Variants in TM7SF3 observed in about 807,000 individuals in gnomAD.
The protein encoded by TM7SF3 is transmembrane 7 superfamily member 3, also known as seven span transmembrane protein.
Under a neutral mutation model 65.5 loss-of-function variants are expected in TM7SF3, and 60 were observed. That is an observed-to-expected ratio of 0.92 (90% CI 0.74 to 1.14). TM7SF3 has a LOEUF of 1.14. TM7SF3 is among the 50% of genes most tolerant of loss of function. The pLI is 0.00. For synonymous variants in TM7SF3, 264 were observed against 259.6 expected, an observed-to-expected ratio of 1.02 and a Z score of -0.16; for missense variants, 623 against 684.8, an observed-to-expected ratio of 0.91 and a Z score of 1.01.
Position 26,972,291 on chromosome 12 carries a change from T to C in TM7SF3, c.*1674A>G, listed in dbSNP as rs1220921412. ...TTCTCATCACTTTAAGGATGAAGCC[T>C]TTCTGTACAAAGGCTTTGTACAGAA... On this transcript the variant is annotated 3_prime_UTR_variant, in exon 12 of 12. Coordinates refer to ENST00000343028, the MANE Select transcript of TM7SF3 (RefSeq NM_016551.3). The C allele has an allele frequency of 6.6e-6, 1 of 152,250 alleles. No individual in the cohort carries two copies. The highest frequency in any genetic ancestry group is 1.5e-5 in the Non-Finnish European group (1 of 68,046). The allele number at this position is 152,250 out of a possible 1,614,324, so 9.4% of individuals were successfully genotyped here. A position where few individuals can be genotyped will look rare whatever the true frequency, so the allele number is the denominator to read the frequency against.
At chr12:26,980,778 G>A in intron 7 of TM7SF3, 132 bp from the exon 8 acceptor site, 2 of 529,554 alleles carry the variant, frequency 3.8e-6, no homozygotes, top group Non-Finnish European at 6.5e-6. Flanking sequence ...ACATGTTACA[G>A]CATTCAGAAG....
At chr12:26,999,328 A>G (rs1322708599) in intron 3 of TM7SF3, among the ~76,000 whole-genome samples, 198 bp downstream of exon 3, 1 of 151,958 alleles carries the variant, frequency 6.6e-6, no homozygotes, top group African/African-American at 2.4e-5. Flanking sequence ...CCCGGGAGGC[A>G]GAGGTTGCAG....
At chr12:26,993,572 A>C (rs763137088) in intron 5 of TM7SF3, among the ~76,000 whole-genome samples, 28 of 152,156 alleles carry the variant, frequency 1.8e-4, no homozygotes, top group Non-Finnish European at 3.5e-4. Context: ...GAATAGGTGG[A>C]GACTATAAGG....
chr12:26,995,621 C>A (rs1940558796), intron 4 of TM7SF3, among the ~76,000 whole-genome samples: 1 of 152,104 alleles, frequency 6.6e-6, no homozygotes. Context: ...ATGCTGAGAC[C>A]CTCACTCCCA....
At chr12:27,012,591 A>G (rs1051610020) in intron 1 of TM7SF3, 1 of 456,016 alleles carries the variant, frequency 2.2e-6, no homozygotes, top group Non-Finnish European at 4.4e-6. Context: ...TGGCACAACT[A>G]GTGCCTTTTA....
Position 27,014,354 on chromosome 12 carries a change from C to T in TM7SF3, c.-186G>A. ...GGCGCGCGCCCCGCCGAACTCCTAG[C>T]CCCAGCGAGAGGTTTCCTCTTCCGG... On this transcript the variant is annotated 5_prime_UTR_variant, in exon 1 of 12. Coordinates refer to ENST00000343028, the MANE Select transcript of TM7SF3 (RefSeq NM_016551.3). 1 of 370,538 alleles carries T rather than the reference C, an allele frequency of 2.7e-6. No individual in the cohort carries two copies. The highest frequency in any genetic ancestry group is 4.7e-6 in the Non-Finnish European group (1 of 212,044). The allele number at this position is 370,538 out of a possible 1,614,324, so 23.0% of individuals were successfully genotyped here. A position where few individuals can be genotyped will look rare whatever the true frequency, so the allele number is the denominator to read the frequency against.
Position 26,974,181 on chromosome 12 carries a change from A to G in TM7SF3, c.1497T>C (p.Ile499=). 2.5e-6 allele frequency: 4 copies of G among 1,614,184 alleles called. No homozygotes were observed. The highest frequency in any genetic ancestry group is 2.5e-6 in the Non-Finnish European group (3 of 1,180,018). Residue 499 remains isoleucine, a synonymous_variant, in exon 12 of 12, where the codon ATT becomes ATC. Transcript: ENST00000343028. The part of the protein sequence containing the change: ...AVWGMLAVSG[I]TLQIRRERGR... ...CTCTCTCTCTTCGAATCTGTAACGT[A>G]ATTCCACTTACAGCCAGCATGCCCC...
Position 26,982,838 on chromosome 12 carries a change from A to G in TM7SF3, c.890T>C (p.Phe297Ser). The change falls in exon 7 of 12, where the codon TTC becomes TCC. Residue 297 changes from phenylalanine to serine, a missense_variant. Physicochemically the swap from Phe to Ser is radical, Grantham distance 155. Coordinates refer to ENST00000343028, the MANE Select transcript of TM7SF3 (RefSeq NM_016551.3). ...ASLGRVSSKV[F>S]FTLFALLGFF... is the part of the protein sequence containing the mutation. ...ACCAAGCAGGGCAAAAAGAGTGAAG[A>G]ACACTTTGGAAGACACTCTTCCTAA... 3 of 1,607,422 alleles carry G rather than the reference A, an allele frequency of 1.9e-6. No individual in the cohort carries two copies. Among genetic ancestry groups the G allele is most frequent in the Non-Finnish European group, 2.5e-6 (3 of 1,177,938 alleles).
intron 2 of TM7SF3, among the ~76,000 whole-genome samples, chr12:27,002,049 C>T (rs2136439419): frequency 6.6e-6 from 1 of 152,302 alleles, no homozygotes; most frequent in Middle Eastern, 3.4e-3. Context: ...CCCCACAACA[C>T]ACACGCACAC....
At chr12:27,012,210 T>C (rs1941270111) in intron 1 of TM7SF3, among the ~76,000 whole-genome samples, 1 of 152,168 alleles carries the variant, frequency 6.6e-6, no homozygotes, top group East Asian at 1.9e-4. Flanking sequence ...TCAAGTCCTA[T>C]CTGTAACCCT....
intron 1 of TM7SF3, among the ~76,000 whole-genome samples, chr12:27,005,168 A>C (rs1940982051): frequency 6.6e-6 from 1 of 152,192 alleles, no homozygotes; most frequent in South Asian, 2.1e-4. Context: ...TCCATCATGC[A>C]TCCTCCAAGT....
chr12:26,973,327 C>A lies in TM7SF3; in HGVS notation c.*638G>T, dbSNP rs1013090019. On this transcript the variant is annotated 3_prime_UTR_variant, in exon 12 of 12. Coordinates refer to ENST00000343028, the MANE Select transcript of TM7SF3 (RefSeq NM_016551.3). ...GGGAGCTGGGAGTAGGCATGTGCCA[C>A]CATGCCTGGCTAATTTTTTAATTTT... is the stretch of plus-strand genomic sequence containing the variant. The A allele has an allele frequency of 6.6e-6, 1 of 152,188 alleles. No homozygotes were observed. The highest frequency in any genetic ancestry group is 1.5e-5 in the Non-Finnish European group (1 of 68,118). 9.4% of individuals were successfully genotyped at this position (152,188 alleles called of 1,614,324 possible). A position where few individuals can be genotyped will look rare whatever the true frequency, so the allele number is the denominator to read the frequency against.
intron 1 of TM7SF3, among the ~76,000 whole-genome samples, chr12:27,005,910 C>T (rs997565461): frequency 2.0e-5 from 3 of 151,526 alleles, no homozygotes; most frequent in Non-Finnish European, 4.4e-5. Context: ...AGCAATTCTC[C>T]TGCCTCAACC....
intron 7 of TM7SF3, among the ~76,000 whole-genome samples, chr12:26,980,956 A>G (rs1939788928): frequency 6.6e-6 from 1 of 152,208 alleles, no homozygotes; most frequent in Admixed American, 6.5e-5. Flanking sequence ...TAATATATTT[A>G]TGTTTTCTGC....
chr12:26,975,422 G>C, intron 11 of TM7SF3, 74 bp downstream of exon 11: 1 of 1,497,282 alleles, frequency 6.7e-7, no homozygotes, highest in Non-Finnish European at 9.1e-7. Context: ...TAGTTTCCAA[G>C]TGCTCTGGTT....
chr12:27,007,222 A>G lies in TM7SF3; in HGVS notation c.92-3832T>C, dbSNP rs1468210482. Among the ~76,000 whole-genome samples the G allele has an allele frequency of 2.0e-5, 3 of 152,232 alleles. No homozygotes were observed. In the East Asian group the frequency reaches 5.8e-4, roughly 29 times the overall value. ...TCATCTGTTATTTCCTGGATTTCCC[A>G]AAAGCTACAGGAAAATGATGCCTCA... On this transcript the variant is annotated intron_variant, in intron 1 of 11. Coordinates refer to ENST00000343028, the MANE Select transcript of TM7SF3 (RefSeq NM_016551.3).
rs531377930 is a variant in TM7SF3, at chr12:26,973,023, A to G, written c.*942T>C. 2.6e-5 allele frequency among the ~76,000 whole-genome samples: 4 copies of G among 151,938 alleles called. No homozygotes were observed. The East Asian group carries it at 5.8e-4, about 22-fold the overall frequency. On this transcript the variant is annotated 3_prime_UTR_variant, in exon 12 of 12. Coordinates refer to ENST00000343028, the MANE Select transcript of TM7SF3 (RefSeq NM_016551.3). The stretch of plus-strand genomic sequence containing the variant: ...AACCTACTGAATTGTACACTTAAAC[A>G]TGAATAAGAAGGTAAATTTCATGTG...
chr12:27,006,610 C>T (rs138031146), intron 1 of TM7SF3, among the ~76,000 whole-genome samples: 1 of 152,298 alleles, frequency 6.6e-6, no homozygotes, highest in African/African-American at 2.4e-5. Context: ...AAAGTCAACT[C>T]CTCCAGCAAG....
At position 26,972,289 on chromosome 12, in the gene TM7SF3, C is replaced by A. The variant is rs951687100; in HGVS notation, c.*1676G>T. 4.0e-5 allele frequency: 6 copies of A among 151,802 alleles called. No individual in the cohort carries two copies. The highest frequency in any genetic ancestry group is 1.9e-4 in the East Asian group (1 of 5,200). 9.4% of individuals were successfully genotyped at this position (151,802 alleles called of 1,614,324 possible). On this transcript the variant is annotated 3_prime_UTR_variant, in exon 12 of 12. Transcript: ENST00000343028. ...CATTCTCATCACTTTAAGGATGAAGCCTTTCTGTACAAAGGCTTTGTACAG... is the reference window on the plus strand; with the variant it reads ...CATTCTCATCACTTTAAGGATGAAGACTTTCTGTACAAAGGCTTTGTACAG...
Sources: gnomAD v4.1 joint callset for allele counts (sites outside exome capture counted in the v4.1 genomes callset) on GRCh38, gnomAD v4.1.1 for gene constraint, MANE v1.5 for transcripts, NCBI Gene and HGNC (gene_info 2026-07-23, HGNC 2026-07-21) for gene names.